The following SLC2A1 variants were observed in gnomAD, a reference collection of about 807,000 sequenced individuals.
SLC2A1 encodes solute carrier family 2 member 1.
A neutral mutation model predicts 46.6 loss-of-function variants in SLC2A1; 4 were observed. The ratio of observed to expected loss-of-function variants is 0.09; its 90% CI spans 0.04 to 0.20. The LOEUF is 0.20. Ranked by LOEUF, SLC2A1 falls within the 10% of genes least tolerant of loss-of-function variation. The pLI is 1.00. For synonymous variants in SLC2A1, 253 were observed against 270.0 expected (o/e 0.94, Z 0.62); for missense variants, 352 against 667.0 (o/e 0.53, Z 5.20).
At chr1:42,944,169 T>C (rs536994854) in intron 1 of SLC2A1, among the ~76,000 whole-genome samples, 98 of 152,090 alleles carry the variant, frequency 6.4e-4, no homozygotes, top group African/African-American at 2.2e-3. Context: ...GTGTTTCCAA[T>C]GGGCAAAGGG....
chr1:42,951,889 C>A (rs988745282), intron 1 of SLC2A1: 13 of 400,836 alleles, frequency 3.2e-5, no homozygotes, highest in African/African-American at 2.7e-4. Context: ...TGGAGGGCTG[C>A]CCCACAGATG....
In SLC2A1 at chr1:42,954,356, T is replaced by TAA. The variant is rs750160907; in HGVS notation, c.18+4276_18+4277dup. ...CAACATGAAGAAACCCCATCTCTAC[T>TAA]AAAAAAAAATACAAAAAAATTAGCC... On this transcript the variant is annotated intron_variant, in intron 1 of 9. Coordinates refer to ENST00000426263, the MANE Select transcript of SLC2A1 (RefSeq NM_006516.4). This position sits in a 1 kb window ranked among gnomAD's most constrained non-coding sequence, Gnocchi z 4.2. 4.6e-5 allele frequency among the ~76,000 whole-genome samples: 7 copies of TAA among 150,682 alleles called. No individual in the cohort carries two copies. Among genetic ancestry groups the TAA allele is most frequent in the Admixed American group, 6.6e-5 (1 of 15,076 alleles).
chr1:42,946,687 G>A (rs1234361919), intron 1 of SLC2A1, among the ~76,000 whole-genome samples: 2 of 144,318 alleles, frequency 1.4e-5, no homozygotes, highest in South Asian at 4.6e-4. Context: ...AAGAAATGGG[G>A]ACCAGTCAGA....
intron 1 of SLC2A1, among the ~76,000 whole-genome samples, chr1:42,957,829 C>G (rs975517295): frequency 1.3e-5 from 2 of 152,200 alleles, no homozygotes; most frequent in East Asian, 3.9e-4. Context: ...AGACTTCAGC[C>G]TGGGGCTCTT....
At chr1:42,956,691 G>T (rs1038507960) in intron 1 of SLC2A1, among the ~76,000 whole-genome samples, 1 of 152,246 alleles carries the variant, frequency 6.6e-6, no homozygotes. Flanking sequence ...AAAACTTGGA[G>T]AACACTCCAT....
chr1:42,939,489 C>T (rs1643574678), intron 2 of SLC2A1, among the ~76,000 whole-genome samples: 1 of 152,242 alleles, frequency 6.6e-6, no homozygotes, highest in South Asian at 2.1e-4. Flanking sequence ...ATGCAGTTTA[C>T]AGGCTCATCT....
At chr1:42,942,659 T>A (rs1363437395) in intron 2 of SLC2A1, among the ~76,000 whole-genome samples, 1 of 151,938 alleles carries the variant, frequency 6.6e-6, no homozygotes, top group East Asian at 1.9e-4. Context: ...ATAAAGGAAG[T>A]GTGCTGCCTG....
intron 2 of SLC2A1, among the ~76,000 whole-genome samples, chr1:42,931,803 G>A (rs1206062478): frequency 7.0e-6 from 1 of 143,168 alleles, no homozygotes; most frequent in African/African-American, 2.5e-5. Context: ...TTCAGCCTGA[G>A]TGACAGAGTG....
rs937227243 is a variant in SLC2A1 at position 42,947,596 on chromosome 1, A to C, written c.19-4275T>G. Among the ~76,000 whole-genome samples the C allele has an allele frequency of 2.4e-4, 37 of 151,186 alleles. No individual in the cohort carries two copies. The East Asian group carries it at 6.6e-3, about 27-fold the overall frequency. On this transcript the variant is annotated intron_variant, in intron 1 of 9. Transcript: ENST00000426263. Reference sequence around the variant, plus strand: ...CACACACACACAAAAAAAAAAAAAAAAAAAAAAAAACAGCTGGATATGGTG... The same window carrying C: ...CACACACACACAAAAAAAAAAAAAACAAAAAAAAAACAGCTGGATATGGTG...
At position 42,929,901 on chromosome 1, in the gene SLC2A1, G is replaced by A. The variant is rs2124449270; in HGVS notation, c.651C>T (p.Asn217=). 6.2e-7 allele frequency: 1 copy of A among 1,614,224 alleles called. No homozygotes were observed. The highest frequency in any genetic ancestry group is 1.1e-5 in the South Asian group (1 of 91,084). Residue 217 remains asparagine, a synonymous_variant, in exon 5 of 10, where the codon AAC becomes AAT. Coordinates refer to ENST00000426263, the MANE Select transcript of SLC2A1 (RefSeq NM_006516.4). This position sits in a 1 kb window ranked among gnomAD's most constrained non-coding sequence, Gnocchi z 6.0. ...CPESPRFLLI[N]RNEENRAKSV... ...TCTTGGCCCGGTTCTCCTCGTTGCGGTTGATGAGCAGGAAGCGGGGACTCT... is the reference window on the plus strand; with the variant it reads ...TCTTGGCCCGGTTCTCCTCGTTGCGATTGATGAGCAGGAAGCGGGGACTCT...
chr1:42,940,364 C>T lies in SLC2A1; in HGVS notation c.114+2862G>A, dbSNP rs5031046. Among the ~76,000 whole-genome samples the T allele has an allele frequency of 1.1e-3, 175 of 152,322 alleles. 1 individual carries two copies. The highest frequency in any genetic ancestry group is 3.9e-3 in the African/African-American group (163 of 41,578). ...TGCCCAGTTCAACCCCTGGGGTACC[C>T]GATGGCCTTCCTCCACTCACTATCC... is the stretch of plus-strand genomic sequence containing the variant. On this transcript the variant is annotated intron_variant, in intron 2 of 9. Transcript: ENST00000426263.
At chr1:42,940,050 G>A (rs528793190) in intron 2 of SLC2A1, among the ~76,000 whole-genome samples, 19 of 125,360 alleles carry the variant, frequency 1.5e-4, no homozygotes, top group Admixed American at 8.9e-4. Context: ...GAAGACCTCC[G>A]CCCTCACTTC....
intron 1 of SLC2A1, among the ~76,000 whole-genome samples, chr1:42,944,680 G>A (rs1307972288): frequency 4.6e-5 from 7 of 152,340 alleles, no homozygotes; most frequent in Middle Eastern, 3.4e-3. Flanking sequence ...CAGAGGCTGC[G>A]AAAGAGGAAG....
intron 1 of SLC2A1, among the ~76,000 whole-genome samples, chr1:42,945,738 C>CAAAAAAAAAA (rs1166067644): frequency 2.5e-4 from 29 of 115,472 alleles, no homozygotes; most frequent in African/African-American, 8.2e-4. Context: ...GACTCTGTCT[C>CAAAAAAAAAA]AAAAAAAAAA....
chr1:42,931,669 T>C (rs1181636784), intron 2 of SLC2A1, among the ~76,000 whole-genome samples: 1 of 147,034 alleles, frequency 6.8e-6, no homozygotes, highest in Non-Finnish European at 1.5e-5. Flanking sequence ...CTACTAAAAA[T>C]AAAAAAAAAA....
chr1:42,930,644 G>A lies in SLC2A1; in HGVS notation c.498C>T (p.Val166=), dbSNP rs150971143. The A allele has an allele frequency of 9.3e-5, 150 of 1,612,074 alleles. No individual in the cohort carries two copies. The African/African-American group carries it at 1.2e-3, about 13-fold the overall frequency. The change falls in exon 4 of 10, where the codon GTC becomes GTT. Residue 166 remains valine (V), a synonymous_variant. Coordinates refer to ENST00000426263, the MANE Select transcript of SLC2A1 (RefSeq NM_006516.4). This position sits in a 1 kb window ranked among gnomAD's most constrained non-coding sequence, Gnocchi z 6.2. ...AGCTTACCTGGGCGATGAGGATGCCGACGACGATGCCCAGCTGGTGCAGGG... is the reference window on the plus strand; with the variant it reads ...AGCTTACCTGGGCGATGAGGATGCCAACGACGATGCCCAGCTGGTGCAGGG... ...LGTLHQLGIV[V]GILIAQVFGL...
At chr1:42,947,579 CACAAAAAAAAAAAAAA>C (rs1643671112) in intron 1 of SLC2A1, among the ~76,000 whole-genome samples, 3 of 28,590 alleles carry the variant, frequency 1.0e-4, no homozygotes, top group African/African-American at 2.9e-4. Flanking sequence ...CACACACACA[CACAAAAAAAAAAAAAA>C]AAAAAAAAAA....
chr1:42,939,953 A>C (rs1643579720), intron 2 of SLC2A1, among the ~76,000 whole-genome samples: 1 of 12,922 alleles, frequency 7.7e-5, no homozygotes, highest in Non-Finnish European at 1.4e-4. Context: ...ACTCCGTCTC[A>C]AAAAAAAAAA....
At chr1:42,928,129 T>C (rs1035460010) in intron 8 of SLC2A1, among the ~76,000 whole-genome samples, 2 of 152,182 alleles carry the variant, frequency 1.3e-5, no homozygotes, top group Non-Finnish European at 2.9e-5. Context: ...TGCAGAACAT[T>C]CCTGGGGGTG....
Sources: gnomAD v4.1 joint callset for allele counts (sites outside exome capture counted in the v4.1 genomes callset) on GRCh38, gnomAD v4.1.1 for gene constraint, Gnocchi (gnomAD v3.1) non-coding constraint, MANE v1.5 for transcripts, NCBI Gene and HGNC (gene_info 2026-07-23, HGNC 2026-07-21) for gene names.